Variants in ERCC6 observed in about 807,000 individuals in gnomAD.
ERCC6 encodes the protein DNA excision repair protein ERCC-6.
A neutral mutation model predicts 158.7 loss-of-function variants in ERCC6; 116 were observed. The ratio of observed to expected loss-of-function variants is 0.73; its 90% CI spans 0.63 to 0.85. The LOEUF (loss-of-function observed/expected upper bound fraction) is 0.85, where lower values mean the gene tolerates loss of function less well. ERCC6 is among the 40% of genes least tolerant of loss of function. The probability of loss-of-function intolerance (pLI) is 0.00; values close to 1 mark genes in which losing one functional copy is unlikely to be tolerated. For synonymous variants in ERCC6, 678 were observed against 659.3 expected (o/e 1.03, Z -0.43); for missense variants, 1,698 against 1,799.4 (o/e 0.94, Z 1.02).
intron 5 of ERCC6, among the ~76,000 whole-genome samples, chr10:49,519,488 C>T (rs1051056427): frequency 5.3e-5 from 8 of 152,090 alleles, no homozygotes; most frequent in African/African-American, 1.9e-4. Flanking sequence ...GGCGAGGGAG[C>T]CTTCAAACCA....
intron 8 of ERCC6, among the ~76,000 whole-genome samples, chr10:49,492,181 A>T (rs4253141): frequency 6.6e-6 from 1 of 152,220 alleles, no homozygotes; most frequent in East Asian, 1.9e-4. Context: ...TTGCTTTTCC[A>T]TGAACACAAA....
At chr10:49,472,217 T>G (rs1259285158) in intron 16 of ERCC6, among the ~76,000 whole-genome samples, 159 bp downstream of exon 16, 1 of 152,150 alleles carries the variant, frequency 6.6e-6, no homozygotes, top group African/African-American at 2.4e-5. Flanking sequence ...CTAAGCATAT[T>G]TTAAAGGGAA....
chr10:49,457,541 G>A lies in ERCC6; in HGVS notation c.*1274C>T, dbSNP rs1850503305. ...CATGGATGAGCAGACAGAAGATCTGGACACAGCTATCCATGTTAAGCATGA... is the reference window on the plus strand; with the variant it reads ...CATGGATGAGCAGACAGAAGATCTGAACACAGCTATCCATGTTAAGCATGA... On this transcript the variant is annotated 3_prime_UTR_variant, in exon 21 of 21. Transcript: ENST00000355832. The A allele has an allele frequency of 6.6e-6, 1 of 152,180 alleles. No homozygotes were observed. Among genetic ancestry groups the A allele is most frequent in the African/African-American group, 2.4e-5 (1 of 41,448 alleles). 9.4% of individuals were successfully genotyped at this position (152,180 alleles called of 1,614,324 possible).
At position 49,515,269 on chromosome 10, in the gene ERCC6, C is replaced by G. The variant is rs1836911903; in HGVS notation, c.1397+8764G>C. The G allele has an allele frequency of 2.7e-6, 4 of 1,471,528 alleles. No homozygotes were observed. In the South Asian group the frequency reaches 6.2e-5, roughly 23 times the overall value. 91.2% of individuals were successfully genotyped at this position (1,471,528 alleles called of 1,614,324 possible). ...TCCAAAATTGGAACACTAGGCAAAA[C>G]CACTGCTACACTGTACATAATGTAT... On this transcript the variant is annotated intron_variant, in intron 5 of 20. Transcript: ENST00000355832.
At chr10:49,439,767 C>G in the ERCC6 span, among the ~76,000 whole-genome samples, 1 of 152,180 alleles carries the variant, frequency 6.6e-6, no homozygotes. Flanking sequence ...TGCTTTGCTG[C>G]TTGGAAATTT....
rs4253170 is a variant in ERCC6, at chr10:49,481,512, A to C, written c.2169+1175T>G. On this transcript the variant is annotated intron_variant, in intron 10 of 20. Coordinates refer to ENST00000355832, the MANE Select transcript of ERCC6 (RefSeq NM_000124.4). The stretch of plus-strand genomic sequence containing the variant: ...CTAATTAAATACTCCAAAATACGAG[A>C]GCTTCCCTTTTGGTGGAAGGTCTCA... 8.6e-4 allele frequency among the ~76,000 whole-genome samples: 131 copies of C among 152,312 alleles called. 3 individuals are homozygous for C. In the South Asian group the frequency reaches 0.025, roughly 29 times the overall value.
At chr10:49,439,074 C>G in the ERCC6 span, among the ~76,000 whole-genome samples, 1 of 152,200 alleles carries the variant, frequency 6.6e-6, no homozygotes, top group Admixed American at 6.5e-5. Context: ...GTGCATCTAC[C>G]ATTCTGGGGT....
chr10:49,495,625 G>A (rs995140676), intron 7 of ERCC6, among the ~76,000 whole-genome samples: 3 of 151,992 alleles, frequency 2.0e-5, no homozygotes, highest in Admixed American at 2.0e-4. Flanking sequence ...TCCCCTACCT[G>A]GCTGTCCCCT....
At chr10:49,463,481 T>C (rs557831797) in intron 18 of ERCC6, among the ~76,000 whole-genome samples, 2 of 152,292 alleles carry the variant, frequency 1.3e-5, no homozygotes, top group Admixed American at 1.3e-4. Context: ...TCAGGATATA[T>C]GAAGTTTTTT....
Position 49,478,023 on chromosome 10 carries a change from C to T in ERCC6, c.2286+331G>A, listed in dbSNP as rs188214518. On this transcript the variant is annotated intron_variant, in intron 11 of 20. Transcript: ENST00000355832. ...TGAGTCCCCATGAGAACAAAACTTG[C>T]TTTGTTCACTGCTGTATCTCAGAGC... 2.7e-3 allele frequency among the ~76,000 whole-genome samples: 410 copies of T among 152,330 alleles called. 4 individuals are homozygous for T. The highest frequency in any genetic ancestry group is 4.9e-3 in the Non-Finnish European group (336 of 68,034).
intron 18 of ERCC6, among the ~76,000 whole-genome samples, chr10:49,465,889 A>C (rs1424739780): frequency 6.6e-6 from 1 of 152,098 alleles, no homozygotes; most frequent in Non-Finnish European, 1.5e-5. Flanking sequence ...AAACAGACTA[A>C]CACAGAAACA....
Position 49,457,235 on chromosome 10 carries a change from A to G in ERCC6, c.*1580T>C, listed in dbSNP as rs1850498041. ...ACTCAAGTTTAAGACTTATTGGCCTATTTAAAAATTCTTTCTATGACTTCT... is the reference window on the plus strand; with the variant it reads ...ACTCAAGTTTAAGACTTATTGGCCTGTTTAAAAATTCTTTCTATGACTTCT... On this transcript the variant is annotated 3_prime_UTR_variant, in exon 21 of 21. Transcript: ENST00000355832. 6.6e-6 allele frequency: 1 copy of G among 152,224 alleles called. No homozygotes were observed. The highest frequency in any genetic ancestry group is 2.4e-5 in the African/African-American group (1 of 41,460). The allele number at this position is 152,224 out of a possible 1,614,324, so 9.4% of individuals were successfully genotyped here. A position where few individuals can be genotyped will look rare whatever the true frequency, so the allele number is the denominator to read the frequency against.
chr10:49,458,756 T>A lies in ERCC6; in HGVS notation c.*59A>T. 6.5e-7 allele frequency: 1 copy of A among 1,532,282 alleles called. No homozygotes were observed. Among genetic ancestry groups the A allele is most frequent in the Non-Finnish European group, 9.0e-7 (1 of 1,107,146 alleles). 94.9% of individuals were successfully genotyped at this position (1,532,282 alleles called of 1,614,324 possible). ...GACAAACATGATTATTAATAATAAATTAATAATCAGAAATGCCCGTTAGAA... is the reference window on the plus strand; with the variant it reads ...GACAAACATGATTATTAATAATAAAATAATAATCAGAAATGCCCGTTAGAA... On this transcript the variant is annotated 3_prime_UTR_variant, in exon 21 of 21. Coordinates refer to ENST00000355832, the MANE Select transcript of ERCC6 (RefSeq NM_000124.4).
chr10:49,486,578 C>A (rs1309320464), intron 8 of ERCC6, among the ~76,000 whole-genome samples: 1 of 152,094 alleles, frequency 6.6e-6, no homozygotes, highest in Admixed American at 6.5e-5. Context: ...GTCAAAGGAA[C>A]ACAATTACAG....
the ERCC6 span, among the ~76,000 whole-genome samples, chr10:49,438,764 T>C: frequency 2.0e-5 from 3 of 152,142 alleles, no homozygotes; most frequent in African/African-American, 4.8e-5. Flanking sequence ...ACTTCCTACA[T>C]AGAATGGAGG....
chr10:49,518,553 C>A (rs928094092), intron 5 of ERCC6, among the ~76,000 whole-genome samples: 1 of 152,162 alleles, frequency 6.6e-6, no homozygotes, highest in Admixed American at 6.5e-5. Flanking sequence ...TTCTTGTGCA[C>A]CACTCCCGCC....
rs1850913544 is a variant in ERCC6, at chr10:49,478,302, A to G, written c.2286+52T>C. The G allele has an allele frequency of 3.4e-6, 4 of 1,183,536 alleles. No homozygotes were observed. The South Asian group carries it at 3.6e-5, about 11-fold the overall frequency. The allele number at this position is 1,183,536 out of a possible 1,614,324, so 73.3% of individuals were successfully genotyped here. A position where few individuals can be genotyped will look rare whatever the true frequency, so the allele number is the denominator to read the frequency against. On this transcript the variant is annotated intron_variant, in intron 11 of 20. Coordinates refer to ENST00000355832, the MANE Select transcript of ERCC6 (RefSeq NM_000124.4). ...CGCAGAGGAGAATCAGAGTGAAGGGAAAGACACACTTGTGCTTTAGGAATG... is the reference window on the plus strand; with the variant it reads ...CGCAGAGGAGAATCAGAGTGAAGGGGAAGACACACTTGTGCTTTAGGAATG...
chr10:49,475,042 A>G (rs1006382543), intron 12 of ERCC6, among the ~76,000 whole-genome samples: 7 of 152,210 alleles, frequency 4.6e-5, no homozygotes, highest in African/African-American at 1.7e-4. Flanking sequence ...TGATCTGAAT[A>G]AGTCAGGAAC....
intron 18 of ERCC6, among the ~76,000 whole-genome samples, chr10:49,469,644 C>G (rs1320154899): frequency 6.6e-6 from 1 of 152,190 alleles, no homozygotes; most frequent in East Asian, 1.9e-4. Flanking sequence ...TTTGGTAACT[C>G]AAGGCCATCA....
Sources: allele counts gnomAD v4.1 joint callset (sites outside exome capture counted in the v4.1 genomes callset), GRCh38; gene constraint gnomAD v4.1.1; transcripts MANE v1.5; gene names NCBI Gene and HGNC (gene_info 2026-07-23, HGNC 2026-07-21).